Variants in SP140 observed in about 807,000 individuals in gnomAD.
SP140 encodes the protein nuclear body protein SP140.
A neutral mutation model predicts 125.0 loss-of-function variants in SP140; 81 were observed. The ratio of observed to expected loss-of-function variants is 0.65; its 90% CI spans 0.54 to 0.78. SP140 has a LOEUF of 0.78. Among genes scored for constraint, SP140 ranks in the 30% least tolerant of loss-of-function variants. The pLI, the probability that SP140 is intolerant of heterozygous loss-of-function variation, is 0.00. For synonymous variants in SP140, 312 were observed against 354.0 expected, an observed-to-expected ratio of 0.88 and a Z score of 1.33; for missense variants, 858 against 1,037.0, an observed-to-expected ratio of 0.83 and a Z score of 2.37.
chr2:230,257,196 T>G (rs2051362116), intron 12 of SP140, among the ~76,000 whole-genome samples: 1 of 151,980 alleles, frequency 6.6e-6, no homozygotes, highest in African/African-American at 2.4e-5. Context: ...AAAGAGACTT[T>G]TATCTAACAA....
chr2:230,295,369 C>T (rs1430953626), intron 21 of SP140, among the ~76,000 whole-genome samples: 1 of 152,266 alleles, frequency 6.6e-6, no homozygotes, highest in Non-Finnish European at 1.5e-5. Flanking sequence ...ATTTCATCCA[C>T]TGGGTTTCCC....
Position 230,285,746 on chromosome 2 carries a change from C to T in SP140, c.1565-6C>T. The T allele has an allele frequency of 6.2e-7, 1 of 1,611,322 alleles. No individual in the cohort carries two copies. Among genetic ancestry groups the T allele is most frequent in the East Asian group, 2.2e-5 (1 of 44,856 alleles). On this transcript the variant is annotated splice_region_variant and splice_polypyrimidine_tract_variant and intron_variant, in intron 16 of 26. Coordinates refer to ENST00000392045, the MANE Select transcript of SP140 (RefSeq NM_007237.5). ...TATTAATACATTTTCCCCTGCCTAT[C>T]CCCAGATAATAGCAAAGCCGACGGC...
At chr2:230,212,643 A>T in intron 1 of SP140, 1 of 1,347,364 alleles carries the variant, frequency 7.4e-7, no homozygotes, top group Non-Finnish European at 1.1e-6. Context: ...GTGTTTGGGT[A>T]GATGGGTGCA....
rs751395980 is a variant in SP140, at chr2:230,312,693, GT to G, written c.*10del. On this transcript the variant is annotated 3_prime_UTR_variant, in exon 27 of 27. Transcript: ENST00000392045. ...CAAATGGGAACAATTGACTGGATTA[GT>G]GGATGCTGAAAGCATTCAGCAAATG... 6.3e-7 allele frequency: 1 copy of G among 1,590,118 alleles called. No individual in the cohort carries two copies. Among genetic ancestry groups the G allele is most frequent in the Non-Finnish European group, 8.6e-7 (1 of 1,159,646 alleles).
chr2:230,220,967 G>A (rs2045765003), upstream of SP140, among the ~76,000 whole-genome samples: 1 of 152,060 alleles, frequency 6.6e-6, no homozygotes. Flanking sequence ...AGCTATGATT[G>A]CACCACTGCA....
In SP140 at chr2:230,311,094, C is replaced by T. The variant is rs1164263307; in HGVS notation, c.2284-60C>T. On this transcript the variant is annotated intron_variant, in intron 24 of 26. Transcript: ENST00000392045. Reference sequence around the variant, plus strand: ...AGGGTGTGAGTTCTGTGCTGTGTCTCATGCATGTGGGCTCATTCTCTCCAA... The same window carrying T: ...AGGGTGTGAGTTCTGTGCTGTGTCTTATGCATGTGGGCTCATTCTCTCCAA... 2.3e-5 allele frequency: 37 copies of T among 1,610,390 alleles called. No homozygotes were observed. In the South Asian group the frequency reaches 3.7e-4, roughly 16 times the overall value.
chr2:230,221,229 C>T (rs955641676), upstream of SP140, among the ~76,000 whole-genome samples: 1 of 148,114 alleles, frequency 6.8e-6, no homozygotes, highest in Non-Finnish European at 1.5e-5. Context: ...TGCAGTGAGC[C>T]GAGATCGCAC....
intron 22 of SP140, among the ~76,000 whole-genome samples, chr2:230,304,433 C>T (rs1170612611): frequency 6.6e-6 from 1 of 152,122 alleles, no homozygotes; most frequent in Non-Finnish European, 1.5e-5. Flanking sequence ...CAAAAAAGAG[C>T]TCATGTAGCC....
chr2:230,302,642 T>C (rs2058392589), intron 22 of SP140, among the ~76,000 whole-genome samples: 3 of 152,190 alleles, frequency 2.0e-5, no homozygotes, highest in Admixed American at 2.0e-4. Flanking sequence ...TTCTCCAAGA[T>C]AGACCATATC....
In SP140 at chr2:230,253,408, G is replaced by A. The variant is rs1273814481; in HGVS notation, c.1150G>A (p.Glu384Lys). 1 of 1,596,004 alleles carries A rather than the reference G, an allele frequency of 6.3e-7. No homozygotes were observed. The highest frequency in any genetic ancestry group is 1.1e-5 in the South Asian group (1 of 90,696). ...GAAGGAGCTCAGTCTACTACCAGGTGAAGGAGAAGGTAATTATGATGTACA... is the reference window on the plus strand; with the variant it reads ...GAAGGAGCTCAGTCTACTACCAGGTAAAGGAGAAGGTAATTATGATGTACA... ...PEKELSLLPG[E>K]GEEGSDDCSE... The change falls in exon 11 of 27, where the codon GAA (glutamate) becomes AAA (lysine). Residue 384 changes from glutamate to lysine, a missense_variant. Transcript: ENST00000392045.
chr2:230,253,642 A>C (rs760754672), intron 11 of SP140, among the ~76,000 whole-genome samples: 3 of 152,166 alleles, frequency 2.0e-5, no homozygotes, highest in Admixed American at 6.5e-5. Context: ...TGCATGGAGC[A>C]TGTAGGGAGA....
the SP140 span, among the ~76,000 whole-genome samples, chr2:230,190,458 C>G: frequency 6.8e-6 from 1 of 148,066 alleles, no homozygotes; most frequent in African/African-American, 2.5e-5. Flanking sequence ...GGATATTAAA[C>G]CTTTGTCAGA....
intron 11 of SP140, 47 bp downstream of exon 11, chr2:230,253,464 C>T: frequency 6.9e-7 from 1 of 1,445,842 alleles, no homozygotes; most frequent in East Asian, 2.3e-5. Flanking sequence ...TCTTTGTTTT[C>T]CAGTTGGCAT....
chr2:230,223,567 A>C (rs2045991474), upstream of SP140, among the ~76,000 whole-genome samples: 1 of 152,202 alleles, frequency 6.6e-6, no homozygotes. Context: ...TGACTGATAA[A>C]AATGTTGGGC....
intron 22 of SP140, among the ~76,000 whole-genome samples, chr2:230,301,703 G>A (rs911948417): frequency 2.6e-5 from 4 of 151,880 alleles, no homozygotes; most frequent in Non-Finnish European, 4.4e-5. Flanking sequence ...AATATCACAG[G>A]CCTATTAAAA....
upstream of SP140, among the ~76,000 whole-genome samples, chr2:230,221,113 T>G (rs1480893678): frequency 6.6e-6 from 1 of 151,768 alleles, no homozygotes; most frequent in African/African-American, 2.4e-5. Context: ...AAACCCCATC[T>G]CTACTAAAAA....
At chr2:230,190,755 A>G in the SP140 span, among the ~76,000 whole-genome samples, 2 of 152,186 alleles carry the variant, frequency 1.3e-5, no homozygotes, top group African/African-American at 4.8e-5. Context: ...GAAGGGGTCC[A>G]GTTTCAGTTT....
At chr2:230,190,803 T>C in the SP140 span, among the ~76,000 whole-genome samples, 347 of 152,354 alleles carry the variant, frequency 2.3e-3, 2 homozygotes, top group African/African-American at 7.3e-3. Flanking sequence ...GCACCATTTA[T>C]TAAATGGGGA....
chr2:230,307,979 A>ATATC (rs1553607358), intron 22 of SP140, among the ~76,000 whole-genome samples: 1 of 95,136 alleles, frequency 1.1e-5, no homozygotes, highest in East Asian at 2.5e-4. Flanking sequence ...ATATATATAT[A>ATATC]TATATATATA....
Sources: gnomAD v4.1 joint callset for allele counts (sites outside exome capture counted in the v4.1 genomes callset) on GRCh38, gnomAD v4.1.1 for gene constraint, MANE v1.5 for transcripts, NCBI Gene and HGNC (gene_info 2026-07-23, HGNC 2026-07-21) for gene names.